CLVS1: variants seen among roughly 807,000 people sequenced by gnomAD.
CLVS1 encodes the protein clavesin-1.
A neutral mutation model predicts 33.1 loss-of-function variants in CLVS1; 10 were observed. That is an observed-to-expected ratio of 0.30 (90% confidence interval 0.19 to 0.51). The LOEUF (loss-of-function observed/expected upper bound fraction) is 0.51, where lower values mean the gene tolerates loss of function less well. Among genes scored for constraint, CLVS1 ranks in the 20% least tolerant of loss-of-function variants. CLVS1 has a pLI of 0.97. For synonymous variants in CLVS1, 163 were observed against 166.1 expected (o/e 0.98, Z 0.14); for missense variants, 343 against 433.4 (o/e 0.79, Z 1.85).
chr8:61,239,837 T>C (rs1808655008), intron 2 of CLVS1, among the ~76,000 whole-genome samples: 2 of 152,350 alleles, frequency 1.3e-5, no homozygotes, highest in African/African-American at 4.8e-5. Context: ...TTTTTTAACA[T>C]GTATACCAGT....
chr8:61,162,488 G>A (rs1806772738), intron 2 of CLVS1, among the ~76,000 whole-genome samples: 1 of 152,174 alleles, frequency 6.6e-6, no homozygotes, highest in South Asian at 2.1e-4. Context: ...GCAAAAATGG[G>A]AAGAATTTCT....
Position 61,302,260 on chromosome 8 carries a change from CTG to C in CLVS1, c.455+1980_455+1981del, listed in dbSNP as rs564186919. ...TGGGCTACCTTTCCGTGTTTCTACT[CTG>C]TTATTCTGTAATGATATGGAATAAC... On this transcript the variant is annotated intron_variant, in intron 2 of 5. Coordinates refer to ENST00000325897, the MANE Select transcript of CLVS1 (RefSeq NM_173519.3). Among the ~76,000 whole-genome samples, 195 of 152,298 alleles carry C rather than the reference CTG, an allele frequency of 1.3e-3. 2 individuals carry two copies. The highest frequency in any genetic ancestry group is 1.9e-4 in the Non-Finnish European group (13 of 68,030).
the CLVS1 span, among the ~76,000 whole-genome samples, chr8:61,037,141 G>A: frequency 6.6e-6 from 1 of 152,142 alleles, no homozygotes; most frequent in African/African-American, 2.4e-5. Flanking sequence ...AGATTTTATT[G>A]TAAAAATTGT....
At chr8:61,357,200 A>C (rs932865288) in intron 2 of CLVS1, among the ~76,000 whole-genome samples, 3 of 152,164 alleles carry the variant, frequency 2.0e-5, no homozygotes, top group Admixed American at 6.5e-5. Flanking sequence ...TTCACTCATG[A>C]AGTTAAATGG....
At position 61,256,730 on chromosome 8, in the gene CLVS1, G is replaced by A. The variant is rs376840658; in HGVS notation, c.-151-42947G>A. 2.2e-3 allele frequency among the ~76,000 whole-genome samples: 328 copies of A among 152,148 alleles called. 1 individual carries two copies. The highest frequency in any genetic ancestry group is 7.5e-3 in the African/African-American group (313 of 41,506). On this transcript the variant is annotated intron_variant, in intron 2 of 2. Transcript: ENST00000522621. ...TTACTAGCACAGGTAACTTTGTTCT[G>A]ACCATTGTTATTAATTGTGGTTTTT... is the stretch of plus-strand genomic sequence containing the variant.
intron 2 of CLVS1, among the ~76,000 whole-genome samples, chr8:61,275,184 T>G (rs1452858629): frequency 6.6e-6 from 1 of 152,054 alleles, no homozygotes; most frequent in Non-Finnish European, 1.5e-5. Flanking sequence ...TTTATTTTTA[T>G]TTTTTTAGTT....
At chr8:61,498,130 C>A (rs146417760) in intron 5 of CLVS1, among the ~76,000 whole-genome samples, 148 of 152,304 alleles carry the variant, frequency 9.7e-4, no homozygotes, top group South Asian at 5.6e-3. Context: ...TTTTACCCAG[C>A]CCCTATTTAA....
intron 3 of CLVS1, among the ~76,000 whole-genome samples, chr8:61,412,294 T>A (rs563552028): frequency 2.0e-5 from 3 of 152,250 alleles, no homozygotes; most frequent in Admixed American, 6.5e-5. Flanking sequence ...AGATATGTAC[T>A]GACAACCACA....
intron 1 of CLVS1, among the ~76,000 whole-genome samples, chr8:61,117,609 T>A (rs1420948872): frequency 6.6e-6 from 1 of 150,660 alleles, no homozygotes; most frequent in African/African-American, 2.4e-5. Context: ...CAAAGGCTTT[T>A]TCTGCATCTA....
intron 2 of CLVS1, among the ~76,000 whole-genome samples, chr8:61,212,252 C>T (rs374713407): frequency 2.6e-5 from 4 of 152,180 alleles, no homozygotes; most frequent in African/African-American, 9.7e-5. Context: ...AAAGCTTTCC[C>T]AGGGAGGTAG....
chr8:61,373,134 C>T (rs966638584), intron 2 of CLVS1, among the ~76,000 whole-genome samples: 1 of 152,076 alleles, frequency 6.6e-6, no homozygotes, highest in South Asian at 2.1e-4. Flanking sequence ...GTCCAGAAGT[C>T]AAAGGGTGTT....
chr8:61,023,695 G>A, the CLVS1 span, among the ~76,000 whole-genome samples: 1 of 152,236 alleles, frequency 6.6e-6, no homozygotes, highest in African/African-American at 2.4e-5. Context: ...TCTACCGGCT[G>A]TTTTCTGCAC....
chr8:61,113,465 G>A (rs1434907806), intron 1 of CLVS1, among the ~76,000 whole-genome samples: 2 of 152,162 alleles, frequency 1.3e-5, no homozygotes, highest in Non-Finnish European at 2.9e-5. Flanking sequence ...GTGGTGAGCA[G>A]AGCCATGTGG....
At chr8:60,986,138 G>T in the CLVS1 span, among the ~76,000 whole-genome samples, 1 of 152,328 alleles carries the variant, frequency 6.6e-6, no homozygotes, top group South Asian at 2.1e-4. Context: ...CAAAGGTTAT[G>T]AAAACCTCTT....
At chr8:61,261,022 A>T (rs1279048042) in intron 2 of CLVS1, among the ~76,000 whole-genome samples, 1 of 152,166 alleles carries the variant, frequency 6.6e-6, no homozygotes, top group Non-Finnish European at 1.5e-5. Flanking sequence ...AGACCTCAGA[A>T]TCTATATTTT....
chr8:61,478,491 C>A (rs1366773532), intron 5 of CLVS1, among the ~76,000 whole-genome samples: 1 of 152,176 alleles, frequency 6.6e-6, no homozygotes, highest in Non-Finnish European at 1.5e-5. Context: ...CTTTATGAAT[C>A]TGGGTGCTCC....
At chr8:61,339,609 A>G (rs1348193951) in intron 2 of CLVS1, among the ~76,000 whole-genome samples, 3 of 152,064 alleles carry the variant, frequency 2.0e-5, no homozygotes, top group African/African-American at 7.2e-5. Flanking sequence ...ACTCTACCAA[A>G]TTGAAATGTT....
intron 1 of CLVS1, among the ~76,000 whole-genome samples, chr8:61,099,331 T>C (rs950605085): frequency 1.3e-5 from 2 of 151,916 alleles, no homozygotes; most frequent in African/African-American, 4.8e-5. Context: ...GGAGAGCGGC[T>C]GGAGAGGTAG....
the CLVS1 span, among the ~76,000 whole-genome samples, chr8:61,046,954 C>G: frequency 6.6e-6 from 1 of 152,134 alleles, no homozygotes; most frequent in Non-Finnish European, 1.5e-5. Flanking sequence ...ATTTGACTTC[C>G]TCTTTTCCTA....
Sources: allele counts gnomAD v4.1 joint callset (sites outside exome capture counted in the v4.1 genomes callset), GRCh38; gene constraint gnomAD v4.1.1; transcripts MANE v1.5; gene names NCBI Gene and HGNC (gene_info 2026-07-23, HGNC 2026-07-21).